QSOX1: variants seen among roughly 807,000 people sequenced by gnomAD.
QSOX1 encodes the protein sulfhydryl oxidase 1.
QSOX1 carries 40 observed loss-of-function variants against 76.1 expected under a neutral mutation model. That is an observed-to-expected ratio of 0.53 (90% CI 0.41 to 0.68). QSOX1 has a LOEUF of 0.68. Among genes scored for constraint, QSOX1 ranks in the 30% least tolerant of loss-of-function variants. QSOX1 has a pLI of 0.00. For missense variants in QSOX1, 931 were observed against 974.3 expected (o/e 0.96, Z 0.59); for synonymous variants, 392 against 413.1 (o/e 0.95, Z 0.62).
chr1:180,161,985 A>G (rs1193295904), intron 1 of QSOX1, among the ~76,000 whole-genome samples: 1 of 152,236 alleles, frequency 6.6e-6, no homozygotes, highest in Non-Finnish European at 1.5e-5. Flanking sequence ...TTTTAGAAAA[A>G]CATCAGAATA....
At chr1:180,179,503 T>C (rs1375599205) in intron 5 of QSOX1, among the ~76,000 whole-genome samples, 2 of 152,142 alleles carry the variant, frequency 1.3e-5, no homozygotes, top group Non-Finnish European at 2.9e-5. Flanking sequence ...AATGCAGCAG[T>C]TTATGTAAAG....
rs1663564543 is a variant in QSOX1 at position 180,198,591 on chromosome 1, G to A, written c.*1554G>A. 2 of 355,822 alleles carry A rather than the reference G, an allele frequency of 5.6e-6. No individual in the cohort carries two copies. The highest frequency in any genetic ancestry group is 2.1e-5 in the African/African-American group (1 of 46,810). 22.0% of individuals were successfully genotyped at this position (355,822 alleles called of 1,614,324 possible). ...GGATGCCAAGGCCACTCCTGCTATG[G>A]GGCAGCTGGGGCTGGGGAGGGATGG... On this transcript the variant is annotated 3_prime_UTR_variant, in exon 12 of 12. Transcript: ENST00000367602.
intron 7 of QSOX1, among the ~76,000 whole-genome samples, chr1:180,185,059 C>T (rs1663139279): frequency 6.6e-6 from 1 of 152,134 alleles, no homozygotes; most frequent in South Asian, 2.1e-4. Context: ...AGTCATGGGG[C>T]CACTTCTGGA....
chr1:180,171,375 G>GT (rs35166424), intron 2 of QSOX1, among the ~76,000 whole-genome samples: 26,213 of 150,830 alleles, frequency 0.17, 3,477 homozygotes, highest in African/African-American at 0.37. Context: ...AGGGGGACTG[G>GT]TTGCTGGGTG....
intron 7 of QSOX1, among the ~76,000 whole-genome samples, chr1:180,184,577 G>A (rs1663124092): frequency 6.6e-6 from 1 of 152,292 alleles, no homozygotes; most frequent in Admixed American, 6.5e-5. Flanking sequence ...CAGGTCACCT[G>A]TGTGTGTGTC....
intron 7 of QSOX1, among the ~76,000 whole-genome samples, chr1:180,185,305 A>G (rs1663144483): frequency 6.6e-6 from 1 of 152,206 alleles, no homozygotes; most frequent in Non-Finnish European, 1.5e-5. Context: ...CAAGCTCACA[A>G]ACTAGCTCAC....
At chr1:180,180,807 G>A (rs1663012940) in intron 5 of QSOX1, among the ~76,000 whole-genome samples, 1 of 152,322 alleles carries the variant, frequency 6.6e-6, no homozygotes, top group South Asian at 2.1e-4. Flanking sequence ...GAGCCACCAC[G>A]CCCGGCCTGG....
At chr1:180,195,439 C>T (rs529402937) in intron 11 of QSOX1, among the ~76,000 whole-genome samples, 2 of 152,346 alleles carry the variant, frequency 1.3e-5, no homozygotes, top group South Asian at 4.1e-4. Context: ...TGTTGCTGCT[C>T]CTGCTTCCTT....
At chr1:180,193,352 G>A (rs1226430231) in intron 10 of QSOX1, among the ~76,000 whole-genome samples, 1 of 151,762 alleles carries the variant, frequency 6.6e-6, no homozygotes, top group Non-Finnish European at 1.5e-5. Flanking sequence ...ACCTGTGCTG[G>A]GTGCAGAAGA....
chr1:180,186,191 G>T lies in QSOX1; in HGVS notation c.1017+9G>T. The T allele has an allele frequency of 1.2e-6, 2 of 1,609,088 alleles. No individual in the cohort carries two copies. Among genetic ancestry groups the T allele is most frequent in the Non-Finnish European group, 1.7e-6 (2 of 1,177,698 alleles). ...TGGCAGTGCTGGCCAAGGTGAGCAG[G>T]GCCATGGCTTCCCTTGTCTGTGCAA... On this transcript the variant is annotated intron_variant, in intron 8 of 11. Coordinates refer to ENST00000367602, the MANE Select transcript of QSOX1 (RefSeq NM_002826.5).
In QSOX1 at chr1:180,199,592, T is replaced by G. The variant is rs1663587304; in HGVS notation, c.*2555T>G. ...AGAAAAGTAGAATTCGAAAACTTTTTAAAAATATTACTAAGGATTTTCACA... is the reference window on the plus strand; with the variant it reads ...AGAAAAGTAGAATTCGAAAACTTTTGAAAAATATTACTAAGGATTTTCACA... On this transcript the variant is annotated 3_prime_UTR_variant, in exon 12 of 12. Coordinates refer to ENST00000367602, the MANE Select transcript of QSOX1 (RefSeq NM_002826.5). 1 of 152,024 alleles carries G rather than the reference T, an allele frequency of 6.6e-6. No individual in the cohort carries two copies. 9.4% of individuals were successfully genotyped at this position (152,024 alleles called of 1,614,324 possible). A position where few individuals can be genotyped will look rare whatever the true frequency, so the allele number is the denominator to read the frequency against.
chr1:180,196,008 G>A lies in QSOX1; in HGVS notation c.1469-254G>A, dbSNP rs1475984782. Reference sequence around the variant, plus strand: ...AAATGACTGAGATGGCGCTCTTCACGCTTCCCTGGAAAACCACGGAGGGCC... The same window carrying A: ...AAATGACTGAGATGGCGCTCTTCACACTTCCCTGGAAAACCACGGAGGGCC... On this transcript the variant is annotated intron_variant, in intron 11 of 11. Transcript: ENST00000367602. This position sits in a 1 kb window ranked among gnomAD's most constrained non-coding sequence, Gnocchi z 4.1. Among the ~76,000 whole-genome samples the A allele has an allele frequency of 1.3e-5, 2 of 152,152 alleles. No homozygotes were observed. Among genetic ancestry groups the A allele is most frequent in the Non-Finnish European group, 2.9e-5 (2 of 68,018 alleles).
chr1:180,162,700 T>G (rs1169825805), intron 1 of QSOX1, among the ~76,000 whole-genome samples: 1 of 152,130 alleles, frequency 6.6e-6, no homozygotes, highest in Non-Finnish European at 1.5e-5. Context: ...ATCGCACCAC[T>G]GCACTCCAGC....
chr1:180,188,712 A>T (rs548981359), intron 8 of QSOX1, among the ~76,000 whole-genome samples: 2 of 152,266 alleles, frequency 1.3e-5, no homozygotes, highest in South Asian at 4.1e-4. Flanking sequence ...TGTCTCCAGT[A>T]TCCTTCTCCT....
intron 1 of QSOX1, among the ~76,000 whole-genome samples, chr1:180,155,863 A>C (rs1043745462): frequency 7.2e-5 from 11 of 152,010 alleles, no homozygotes; most frequent in African/African-American, 2.7e-4. Context: ...AAACCCATGC[A>C]CCCAGAGGCC....
At position 180,196,272 on chromosome 1, in the gene QSOX1, C is replaced by G; in HGVS notation, c.1479C>G (p.Ser493Arg). ...RVNARLAGAP[S>R]EDPQFPKVQW... ...TGCTTCCCTCTGTAGGTGCCCCCAG[C>G]GAGGACCCCCAGTTCCCCAAGGTGC... Residue 493 changes from serine (S) to arginine (R), a missense_variant, in exon 12 of 12, where the codon AGC (serine) becomes AGG (arginine). Ser to Arg is a moderately radical substitution (Grantham distance 110). Transcript: ENST00000367602. The surrounding 1 kb of genome is among the most constrained non-coding windows in gnomAD (Gnocchi z 4.1). The G allele has an allele frequency of 6.2e-7, 1 of 1,610,484 alleles. No homozygotes were observed. The highest frequency in any genetic ancestry group is 8.5e-7 in the Non-Finnish European group (1 of 1,177,272).
In QSOX1 at chr1:180,203,237, G is replaced by C. The variant is rs796597953; in HGVS notation, c.*6200G>C. On this transcript the variant is annotated 3_prime_UTR_variant, in exon 12 of 12. Coordinates refer to ENST00000367602, the MANE Select transcript of QSOX1 (RefSeq NM_002826.5). ...TGACCTGATAAAATGTCCCAAGAAG[G>C]ACACATTTTTATAAACATAAGTTAC... The C allele has an allele frequency of 6.6e-6, 1 of 152,092 alleles. No homozygotes were observed. The highest frequency in any genetic ancestry group is 1.5e-5 in the Non-Finnish European group (1 of 68,024). 9.4% of individuals were successfully genotyped at this position (152,092 alleles called of 1,614,324 possible).
In QSOX1 at chr1:180,202,886, G is replaced by A. The variant is rs539172098; in HGVS notation, c.*5849G>A. 6.6e-6 allele frequency: 1 copy of A among 152,158 alleles called. No homozygotes were observed. Among genetic ancestry groups the A allele is most frequent in the East Asian group, 1.9e-4 (1 of 5,174 alleles). The allele number at this position is 152,158 out of a possible 1,614,324, so 9.4% of individuals were successfully genotyped here. A position where few individuals can be genotyped will look rare whatever the true frequency, so the allele number is the denominator to read the frequency against. On this transcript the variant is annotated 3_prime_UTR_variant, in exon 12 of 12. Coordinates refer to ENST00000367602, the MANE Select transcript of QSOX1 (RefSeq NM_002826.5). ...GAGGTCAGGAGTTTGAGACCAGCTT[G>A]GCCAACATGGTGAAACCCCCATCTC...
Position 180,175,950 on chromosome 1 carries a change from G to A in QSOX1, c.432G>A (p.Gln144=), listed in dbSNP as rs1432130688. The part of the protein sequence containing the change: ...AVFPVAGADV[Q]TLRERLIDAL... The stretch of plus-strand genomic sequence containing the variant: ...TTACAGTGGCTGGTGCTGACGTGCA[G>A]ACACTGCGGGAGAGGCTCATTGACG... Residue 144 remains glutamine (Q), a synonymous_variant, in exon 4 of 12, where the codon CAG becomes CAA. Transcript: ENST00000367602. 1 of 1,596,468 alleles carries A rather than the reference G, an allele frequency of 6.3e-7. No individual in the cohort carries two copies. Among genetic ancestry groups the A allele is most frequent in the African/African-American group, 1.3e-5 (1 of 74,830 alleles).
Sources: allele counts gnomAD v4.1 joint callset (sites outside exome capture counted in the v4.1 genomes callset), GRCh38; gene constraint gnomAD v4.1.1; non-coding constraint Gnocchi (gnomAD v3.1); transcripts MANE v1.5; gene names NCBI Gene and HGNC (gene_info 2026-07-23, HGNC 2026-07-21).